S100A13: variants seen among roughly 807,000 people sequenced by gnomAD.
S100A13 encodes the protein protein S100-A13.
In S100A13, 6 loss-of-function variants were observed where a neutral mutation model predicts 8.2. The ratio of observed to expected loss-of-function variants is 0.73; its 90% CI spans 0.40 to 1.44. The LOEUF is 1.44. Among genes scored for constraint, S100A13 ranks in the 40% most tolerant of loss-of-function variants. The pLI is 0.02. For synonymous variants in S100A13, 39 were observed against 45.9 expected, an observed-to-expected ratio of 0.85 and a Z score of 0.61; for missense variants, 114 against 113.6, an observed-to-expected ratio of 1.00 and a Z score of -0.02.
At chr1:153,633,376 GAA>G (rs1329918486), upstream of S100A13, among the ~76,000 whole-genome samples, 12 of 152,068 alleles carry the variant, frequency 7.9e-5, no homozygotes. Flanking sequence ...ATCAGAGAGA[GAA>G]AAGAGAAATC....
chr1:153,624,877 C>T (rs1215795659), intron 2 of S100A13, among the ~76,000 whole-genome samples: 1 of 152,130 alleles, frequency 6.6e-6, no homozygotes, highest in Admixed American at 6.5e-5. Context: ...GAGTTCGAAA[C>T]CAGCCTGGCC....
At chr1:153,625,247 A>G (rs28584220) in intron 2 of S100A13, among the ~76,000 whole-genome samples, 1 of 152,120 alleles carries the variant, frequency 6.6e-6, no homozygotes, top group African/African-American at 2.4e-5. Context: ...AAAGTCTGAG[A>G]AGTTGGAAGT....
At chr1:153,628,859 T>C, upstream of S100A13, 1 of 266,098 alleles carries the variant, frequency 3.8e-6, no homozygotes, top group Non-Finnish European at 7.3e-6. Flanking sequence ...CTGCCTCGCC[T>C]CCTGTGGGGT....
chr1:153,621,188 A>T (rs2101555290), intron 2 of S100A13, among the ~76,000 whole-genome samples: 1 of 141,254 alleles, frequency 7.1e-6, no homozygotes, highest in South Asian at 2.2e-4. Context: ...ATGGAGTCTT[A>T]CTCTGTCGCC....
upstream of S100A13, chr1:153,629,257 C>G (rs1667865732): frequency 6.6e-6 from 1 of 152,304 alleles, no homozygotes; most frequent in African/African-American, 2.4e-5. Context: ...ATCAAGCTAC[C>G]AGCACCCCTC....
chr1:153,631,716 G>A, upstream of S100A13: 1 of 1,614,200 alleles, frequency 6.2e-7, no homozygotes, highest in Non-Finnish European at 8.5e-7. Flanking sequence ...GGATGTGGAT[G>A]CTGTGGACAA....
chr1:153,628,096 C>T, upstream of S100A13: 1 of 1,550,356 alleles, frequency 6.5e-7, no homozygotes, highest in Non-Finnish European at 8.7e-7. Context: ...AGACTAAGAC[C>T]CCCTCAGCAG....
rs773253394 is a variant in S100A13 at position 153,626,508 on chromosome 1, G to A, written c.-36C>T. 2 of 1,608,130 alleles carry A rather than the reference G, an allele frequency of 1.2e-6. No homozygotes were observed. Among genetic ancestry groups the A allele is most frequent in the South Asian group, 1.1e-5 (1 of 90,906 alleles). On this transcript the variant is annotated 5_prime_UTR_variant, in exon 2 of 3. Transcript: ENST00000476133. ...AGGCCAAAGCTGATGTCCTCAAGGGGCTAGCTGACCTTTGTCAGGGCTGAC... is the reference window on the plus strand; with the variant it reads ...AGGCCAAAGCTGATGTCCTCAAGGGACTAGCTGACCTTTGTCAGGGCTGAC...
chr1:153,631,803 A>T (rs1405802449), upstream of S100A13: 1 of 1,614,102 alleles, frequency 6.2e-7, no homozygotes, highest in Non-Finnish European at 8.5e-7. Flanking sequence ...GGCTGCTCTC[A>T]CAGTGGCCTG....
In S100A13 at chr1:153,618,962, C is replaced by G; in HGVS notation, c.230G>C (p.Trp77Ser). ...CTTGGCCAGCTCCCCAATCAATCTC[C>G]AGTACTCATTGAACTTGAGCTCCGA... The part of the protein sequence containing the change: ...QDSELKFNEY[W>S]RLIGELAKEI... The change falls in exon 3 of 3, where the codon TGG (tryptophan) becomes TCG (serine). Residue 77 changes from tryptophan to serine, a missense_variant. By Grantham distance (177) the Trp-to-Ser change is radical. Coordinates refer to ENST00000476133, the MANE Select transcript of S100A13 (RefSeq NM_001024211.2). 6.2e-7 allele frequency: 1 copy of G among 1,613,746 alleles called. No individual in the cohort carries two copies. Among genetic ancestry groups the G allele is most frequent in the Non-Finnish European group, 8.5e-7 (1 of 1,179,678 alleles).
At chr1:153,627,028 A>G (rs1571293916) in intron 1 of S100A13, 2 of 153,462 alleles carry the variant, frequency 1.3e-5, no homozygotes, top group Admixed American at 1.3e-4. Flanking sequence ...GCCCACACAC[A>G]CTCTAACCGC....
chr1:153,631,563 G>A, upstream of S100A13: 1 of 1,613,910 alleles, frequency 6.2e-7, no homozygotes, highest in Non-Finnish European at 8.5e-7. Flanking sequence ...CTTTGAGGAG[G>A]CCTAGAAGAG....
At chr1:153,631,099 TAGG>T (rs759037371), upstream of S100A13, 15 of 299,588 alleles carry the variant, frequency 5.0e-5, no homozygotes, top group Non-Finnish European at 9.3e-5. Flanking sequence ...GCAGACATTT[TAGG>T]AGGAGGTAAC....
At chr1:153,624,593 G>C (rs1286311558) in intron 2 of S100A13, among the ~76,000 whole-genome samples, 1 of 151,066 alleles carries the variant, frequency 6.6e-6, no homozygotes, top group Non-Finnish European at 1.5e-5. Flanking sequence ...AGGATATAAG[G>C]AATGCTGTCC....
intron 1 of S100A13, chr1:153,627,249 C>T (rs1667713992): frequency 6.6e-6 from 1 of 152,350 alleles, no homozygotes; most frequent in African/African-American, 2.4e-5. Context: ...TGACTCCCTG[C>T]TCCAGGACGG....
At chr1:153,625,985 T>C (rs1052540618) in intron 2 of S100A13, among the ~76,000 whole-genome samples, 7 of 152,136 alleles carry the variant, frequency 4.6e-5, no homozygotes, top group African/African-American at 1.2e-4. Context: ...CTGGCCAACC[T>C]GGTGAAACCC....
At chr1:153,621,937 T>C (rs1418798762) in intron 2 of S100A13, among the ~76,000 whole-genome samples, 2 of 151,986 alleles carry the variant, frequency 1.3e-5, no homozygotes, top group East Asian at 1.9e-4. Context: ...GAAAAAGATA[T>C]CATTTTCACA....
intron 2 of S100A13, among the ~76,000 whole-genome samples, chr1:153,621,358 T>G (rs987672435): frequency 2.6e-5 from 4 of 151,978 alleles, no homozygotes; most frequent in South Asian, 2.1e-4. Flanking sequence ...GGTTTCACCA[T>G]GTTTGCCAGG....
upstream of S100A13, among the ~76,000 whole-genome samples, chr1:153,632,517 C>G (rs375637562): frequency 1.3e-5 from 2 of 151,980 alleles, no homozygotes; most frequent in Non-Finnish European, 2.9e-5. Context: ...GTGATCCCCC[C>G]GCCTCGGCCT....
Sources: gnomAD v4.1 joint callset for allele counts (sites outside exome capture counted in the v4.1 genomes callset) on GRCh38, gnomAD v4.1.1 for gene constraint, MANE v1.5 for transcripts, NCBI Gene and HGNC (gene_info 2026-07-23, HGNC 2026-07-21) for gene names.